Variants in SYT1 observed in about 807,000 individuals in gnomAD.
SYT1 encodes synaptotagmin 1, also known as synaptotagmin-1.
In SYT1, 8 loss-of-function variants were observed where a neutral mutation model predicts 44.8. The ratio of observed to expected loss-of-function variants is 0.18; its 90% CI spans 0.10 to 0.32. SYT1 has a LOEUF of 0.32. Ranked by LOEUF, SYT1 falls within the 10% of genes least tolerant of loss-of-function variation. The pLI, the probability that SYT1 is intolerant of heterozygous loss-of-function variation, is 1.00. For synonymous variants in SYT1, 154 were observed against 188.8 expected (o/e 0.82, Z 1.51); for missense variants, 286 against 509.3 (o/e 0.56, Z 4.22).
intron 1 of SYT1, among the ~76,000 whole-genome samples, chr12:78,871,536 AG>A (rs1268235551): frequency 1.3e-5 from 2 of 151,834 alleles, no homozygotes; most frequent in Non-Finnish European, 2.9e-5. Flanking sequence ...CTTATTTTTG[AG>A]GGAAAAAAAA....
intron 8 of SYT1, among the ~76,000 whole-genome samples, chr12:79,334,769 C>T (rs1212577825): frequency 1.3e-5 from 2 of 152,154 alleles, no homozygotes; most frequent in African/African-American, 4.8e-5. Context: ...TCTACTCTGG[C>T]ATCATCTTCA....
intron 3 of SYT1, among the ~76,000 whole-genome samples, chr12:79,135,252 C>T (rs1467777626): frequency 2.0e-5 from 3 of 146,716 alleles, no homozygotes; most frequent in African/African-American, 7.5e-5. Flanking sequence ...ATCCCTCCCC[C>T]CTCCCCCCAT....
At chr12:79,116,841 TCCTGAGTTTCACCTCTGAAGG>T (rs1005674695) in intron 3 of SYT1, among the ~76,000 whole-genome samples, 1 of 152,142 alleles carries the variant, frequency 6.6e-6, no homozygotes, top group African/African-American at 2.4e-5. Context: ...TACACCAAAA[TCCTGAGTTTCACCTCTGAAGG>T]CCTGAGTAGG....
intron 3 of SYT1, among the ~76,000 whole-genome samples, chr12:79,112,612 A>C (rs142918390): frequency 6.6e-6 from 1 of 152,256 alleles, no homozygotes; most frequent in East Asian, 1.9e-4. Context: ...AAAATGATAA[A>C]GTAGCATCAC....
At chr12:78,992,156 A>G (rs1870061633) in intron 2 of SYT1, among the ~76,000 whole-genome samples, 2 of 152,166 alleles carry the variant, frequency 1.3e-5, no homozygotes, top group African/African-American at 2.4e-5. Context: ...CCTAAAATTC[A>G]TTGTGGAGGA....
chr12:78,963,587 A>G (rs1042261629), intron 1 of SYT1, among the ~76,000 whole-genome samples: 1 of 152,206 alleles, frequency 6.6e-6, no homozygotes, highest in Non-Finnish European at 1.5e-5. Context: ...ACAAATCATT[A>G]GGAAAATGCA....
At chr12:79,407,133 T>C (rs545982348) in intron 9 of SYT1, among the ~76,000 whole-genome samples, 9 of 152,240 alleles carry the variant, frequency 5.9e-5, no homozygotes, top group African/African-American at 2.2e-4. Context: ...AAGTAATTTG[T>C]ATTCTTTTTT....
At chr12:79,063,539 A>G (rs898314373) in intron 3 of SYT1, among the ~76,000 whole-genome samples, 4 of 152,114 alleles carry the variant, frequency 2.6e-5, no homozygotes, top group African/African-American at 9.7e-5. Context: ...CTTGTAAACC[A>G]AAGCATAATG....
At chr12:79,186,624 A>T (rs1872816520) in intron 3 of SYT1, among the ~76,000 whole-genome samples, 1 of 152,040 alleles carries the variant, frequency 6.6e-6, no homozygotes, top group Admixed American at 6.6e-5. Flanking sequence ...CTCCCCAAAG[A>T]TTAAATGTCC....
intron 3 of SYT1, among the ~76,000 whole-genome samples, chr12:79,205,333 T>C (rs1874056591): frequency 6.6e-6 from 1 of 152,184 alleles, no homozygotes; most frequent in Non-Finnish European, 1.5e-5. Context: ...AAAAAACTCA[T>C]ATCTTTTCTT....
At chr12:79,267,442 G>A (rs1233463871) in intron 4 of SYT1, among the ~76,000 whole-genome samples, 1 of 151,968 alleles carries the variant, frequency 6.6e-6, no homozygotes, top group Non-Finnish European at 1.5e-5. Flanking sequence ...ATACAAATTG[G>A]GTCAGAATCC....
At chr12:78,872,504 T>C (rs1222138368) in intron 1 of SYT1, among the ~76,000 whole-genome samples, 20 of 151,824 alleles carry the variant, frequency 1.3e-4, no homozygotes, top group Non-Finnish European at 1.5e-5. Flanking sequence ...ATAGGAAAGA[T>C]TTGTTCAGTT....
chr12:78,970,588 A>T (rs747299184), intron 1 of SYT1, among the ~76,000 whole-genome samples: 3 of 152,212 alleles, frequency 2.0e-5, no homozygotes, highest in Non-Finnish European at 2.9e-5. Flanking sequence ...ATCTCAGCTC[A>T]ACTTCCTGTT....
chr12:79,140,313 T>C (rs534647581), intron 3 of SYT1, among the ~76,000 whole-genome samples: 1 of 152,212 alleles, frequency 6.6e-6, no homozygotes, highest in East Asian at 1.9e-4. Flanking sequence ...TTCTGGTAGA[T>C]AACGCAGAAT....
rs528941210 is a variant in SYT1, at chr12:78,972,538, A to T, written c.-216-5261A>T. On this transcript the variant is annotated intron_variant, in intron 1 of 10. Coordinates refer to ENST00000261205, the MANE Select transcript of SYT1 (RefSeq NM_005639.3). ...TGGCAGCTTTTCTCAGCAAAAAAAA[A>T]ATATATATATATATATTTATGAGGC... 4.4e-3 allele frequency among the ~76,000 whole-genome samples: 595 copies of T among 136,156 alleles called. 1 individual carries two copies. The highest frequency in any genetic ancestry group is 8.1e-3 in the African/African-American group (296 of 36,334). 89.3% of individuals were successfully genotyped at this position (136,156 alleles called of 152,430 possible).
intron 1 of SYT1, among the ~76,000 whole-genome samples, chr12:78,904,819 C>T (rs1035255064): frequency 3.9e-5 from 6 of 151,956 alleles, no homozygotes; most frequent in African/African-American, 1.4e-4. Context: ...ATATAATTGT[C>T]ATTGGCAATT....
At chr12:79,160,835 T>G (rs1017313364) in intron 3 of SYT1, among the ~76,000 whole-genome samples, 1 of 152,066 alleles carries the variant, frequency 6.6e-6, no homozygotes, top group African/African-American at 2.4e-5. Context: ...TAGTAAAGGT[T>G]TCAAGCATAG....
At chr12:79,328,941 G>C (rs1048375678) in intron 8 of SYT1, among the ~76,000 whole-genome samples, 6 of 151,874 alleles carry the variant, frequency 4.0e-5, no homozygotes, top group Admixed American at 1.3e-4. Context: ...CTGAAGAATA[G>C]CAAGCATGGC....
At chr12:79,044,273 G>A (rs1006272009) in intron 2 of SYT1, among the ~76,000 whole-genome samples, 9 of 152,142 alleles carry the variant, frequency 5.9e-5, no homozygotes, top group Non-Finnish European at 1.2e-4. Flanking sequence ...CCAGTCAGAC[G>A]TAGACTTGGT....
Sources: gnomAD v4.1 joint callset for allele counts (sites outside exome capture counted in the v4.1 genomes callset) on GRCh38, gnomAD v4.1.1 for gene constraint, MANE v1.5 for transcripts, NCBI Gene and HGNC (gene_info 2026-07-23, HGNC 2026-07-21) for gene names.